FNDC3B: variants seen among roughly 807,000 people sequenced by gnomAD.
FNDC3B encodes the protein fibronectin type III domain containing 3B.
A neutral mutation model predicts 151.5 loss-of-function variants in FNDC3B; 12 were observed. The ratio of observed to expected loss-of-function variants is 0.08; its 90% confidence interval spans 0.05 to 0.13. FNDC3B has a LOEUF of 0.13. Ranked by LOEUF, FNDC3B falls within the 10% of genes least tolerant of loss-of-function variation. FNDC3B has a pLI of 1.00. For synonymous variants in FNDC3B, 528 were observed against 549.0 expected (o/e 0.96, Z 0.54); for missense variants, 1,214 against 1,505.3 (o/e 0.81, Z 3.20).
Position 172,397,654 on chromosome 3 carries a change from G to A in FNDC3B, c.*179G>A. On this transcript the variant is annotated 3_prime_UTR_variant, in exon 26 of 26. Coordinates refer to ENST00000415807, the MANE Select transcript of FNDC3B (RefSeq NM_022763.4). ...TTTTTGAAATGCAAAACTAGGAAAA[G>A]GTTAAACTGGATTTTTTTTTTTAAA... is the stretch of plus-strand genomic sequence containing the variant. The A allele has an allele frequency of 5.3e-6, 2 of 377,548 alleles. No individual in the cohort carries two copies. Among genetic ancestry groups the A allele is most frequent in the Non-Finnish European group, 4.6e-6 (1 of 219,092 alleles). The allele number at this position is 377,548 out of a possible 1,614,324, so 23.4% of individuals were successfully genotyped here.
At chr3:172,359,465 G>A (rs1346619066) in intron 22 of FNDC3B, among the ~76,000 whole-genome samples, 1 of 152,152 alleles carries the variant, frequency 6.6e-6, no homozygotes. Context: ...AGAGTAAAGG[G>A]AAGGAATGGT....
intron 1 of FNDC3B, among the ~76,000 whole-genome samples, chr3:172,042,687 C>T (rs1275283395): frequency 1.3e-5 from 2 of 152,128 alleles, no homozygotes; most frequent in African/African-American, 4.8e-5. Flanking sequence ...TGCATAAGAT[C>T]ACGTAGCTAC....
chr3:172,391,156 G>A (rs1057423706), intron 25 of FNDC3B, among the ~76,000 whole-genome samples: 2 of 152,138 alleles, frequency 1.3e-5, no homozygotes, highest in African/African-American at 4.8e-5. Flanking sequence ...GAAATTAACA[G>A]CCTCTCTGAG....
At chr3:172,289,494 A>T (rs559595992) in intron 7 of FNDC3B, among the ~76,000 whole-genome samples, 1 of 152,282 alleles carries the variant, frequency 6.6e-6, no homozygotes, top group African/African-American at 2.4e-5. Flanking sequence ...GATCCTCATA[A>T]ATGTTATTGC....
intron 3 of FNDC3B, among the ~76,000 whole-genome samples, chr3:172,213,709 C>T (rs963286346): frequency 6.6e-6 from 1 of 152,134 alleles, no homozygotes; most frequent in African/African-American, 2.4e-5. Context: ...AATACGGCCT[C>T]GGTTTTTTAG....
intron 8 of FNDC3B, among the ~76,000 whole-genome samples, chr3:172,297,709 C>T (rs957233370): frequency 3.3e-5 from 5 of 152,044 alleles, no homozygotes; most frequent in South Asian, 2.1e-4. Context: ...CTCCTGACCT[C>T]GTGATCCGCC....
chr3:172,051,423 G>C (rs1221480813), intron 1 of FNDC3B, among the ~76,000 whole-genome samples: 3 of 151,908 alleles, frequency 2.0e-5, no homozygotes, highest in African/African-American at 7.3e-5. Context: ...TTTAACTTGG[G>C]GTCTTTTAAT....
intron 13 of FNDC3B, among the ~76,000 whole-genome samples, chr3:172,332,868 C>G (rs1732751429): frequency 6.6e-6 from 1 of 152,056 alleles, no homozygotes; most frequent in African/African-American, 2.4e-5. Flanking sequence ...TTGACCAGAC[C>G]CAGGAGAAAT....
chr3:172,329,753 G>A (rs1019796926), intron 12 of FNDC3B: 1 of 152,084 alleles, frequency 6.6e-6, no homozygotes, highest in Admixed American at 6.5e-5. Context: ...CCAACCTAAA[G>A]AACCTCTTTT....
intron 4 of FNDC3B, among the ~76,000 whole-genome samples, chr3:172,242,053 A>G (rs961595768): frequency 1.3e-5 from 2 of 152,236 alleles, no homozygotes; most frequent in African/African-American, 2.4e-5. Flanking sequence ...TACAAATCCA[A>G]AATCCAGTGG....
chr3:172,274,847 A>C (rs1418836616), intron 6 of FNDC3B, among the ~76,000 whole-genome samples: 1 of 152,112 alleles, frequency 6.6e-6, no homozygotes, highest in Non-Finnish European at 1.5e-5. Context: ...TCCTCTTCTA[A>C]GGACACCTGT....
intron 3 of FNDC3B, among the ~76,000 whole-genome samples, chr3:172,160,258 G>T (rs1340200584): frequency 6.6e-6 from 1 of 152,180 alleles, no homozygotes; most frequent in Non-Finnish European, 1.5e-5. Flanking sequence ...ACTGAAATAG[G>T]CTGTGCTCAC....
At chr3:172,247,007 G>A (rs932010309) in intron 4 of FNDC3B, among the ~76,000 whole-genome samples, 2 of 152,134 alleles carry the variant, frequency 1.3e-5, no homozygotes, top group Non-Finnish European at 2.9e-5. Flanking sequence ...GGCTTCTGAC[G>A]TTAATGCCAC....
At chr3:172,329,301 G>T (rs1033678937) in intron 12 of FNDC3B, 1 of 431,434 alleles carries the variant, frequency 2.3e-6, no homozygotes, top group African/African-American at 2.0e-5. Flanking sequence ...GCCCCACTAG[G>T]GGTCTCTAAG....
At chr3:172,100,951 GT>G (rs1258668829) in intron 1 of FNDC3B, among the ~76,000 whole-genome samples, 7 of 152,138 alleles carry the variant, frequency 4.6e-5, no homozygotes, top group African/African-American at 1.4e-4. Context: ...AATTGCTTAT[GT>G]CAGAAATCTT....
intron 6 of FNDC3B, among the ~76,000 whole-genome samples, chr3:172,262,740 C>CA (rs1201754851): frequency 1.2e-4 from 18 of 150,420 alleles, no homozygotes; most frequent in Admixed American, 5.3e-4. Flanking sequence ...CCATCTCTGA[C>CA]AAAAAAAATT....
rs1329366420 is a variant in FNDC3B, at chr3:172,335,010, G to A, written c.1708G>A (p.Asp570Asn). Reference protein sequence around the residue: ...SEVLVCTTSPDRPGPPTRPLV... With the variant: ...SEVLVCTTSPNRPGPPTRPLV... Reference sequence around the variant, plus strand: ...AGTTCTTGTTTGTACGACGAGTCCTGACAGGCCTGGACCTCCTACCAGACC... The same window carrying A: ...AGTTCTTGTTTGTACGACGAGTCCTAACAGGCCTGGACCTCCTACCAGACC... Residue 570 changes from aspartate to asparagine, a missense_variant, in exon 15 of 26, where the codon GAC becomes AAC. This residue lies in a region of FNDC3B where 380 missense variants were observed against 420.9 expected (regional missense o/e 0.90). Coordinates refer to ENST00000415807, the MANE Select transcript of FNDC3B (RefSeq NM_022763.4). The A allele has an allele frequency of 1.2e-6, 2 of 1,613,584 alleles. No individual in the cohort carries two copies. Among genetic ancestry groups the A allele is most frequent in the African/African-American group, 2.7e-5 (2 of 74,856 alleles).
chr3:172,214,561 G>A (rs964149699), intron 3 of FNDC3B, among the ~76,000 whole-genome samples: 111 of 151,558 alleles, frequency 7.3e-4, no homozygotes, highest in Non-Finnish European at 1.9e-4. Flanking sequence ...GGAATATTTG[G>A]TTCATTTTTT....
At chr3:172,184,166 C>G (rs1480075655) in intron 3 of FNDC3B, 1 of 152,144 alleles carries the variant, frequency 6.6e-6, no homozygotes, top group East Asian at 1.9e-4. Context: ...TGTCCAGAGG[C>G]CCCCATTCCC....
Sources: allele counts gnomAD v4.1 joint callset (sites outside exome capture counted in the v4.1 genomes callset), GRCh38; gene constraint gnomAD v4.1.1; regional missense constraint gnomAD v4.1.1; transcripts MANE v1.5; gene names NCBI Gene and HGNC (gene_info 2026-07-23, HGNC 2026-07-21).